HAPLN1: variants seen among roughly 807,000 people sequenced by gnomAD.
HAPLN1 encodes the protein hyaluronan and proteoglycan link protein 1.
HAPLN1 carries 13 observed loss-of-function variants against 36.5 expected under a neutral mutation model. The observed-to-expected ratio is 0.36, with a 90% CI of 0.23 to 0.57. HAPLN1 has a LOEUF of 0.57. Ranked by LOEUF, HAPLN1 falls within the 20% of genes least tolerant of loss-of-function variation. The pLI is 0.83. For missense variants in HAPLN1, 407 were observed against 439.7 expected, an observed-to-expected ratio of 0.93 and a Z score of 0.66; for synonymous variants, 202 against 169.8, an observed-to-expected ratio of 1.19 and a Z score of -1.48.
At chr5:83,681,110 A>G (rs1750988272) in intron 1 of HAPLN1, among the ~76,000 whole-genome samples, 1 of 152,218 alleles carries the variant, frequency 6.6e-6, no homozygotes, top group Non-Finnish European at 1.5e-5. Context: ...AAAGCATTGT[A>G]TTAAATAATA....
At chr5:83,657,129 C>G (rs903934907) in intron 2 of HAPLN1, among the ~76,000 whole-genome samples, 4 of 149,104 alleles carry the variant, frequency 2.7e-5, no homozygotes, top group Non-Finnish European at 5.9e-5. Context: ...GAGTTTCACT[C>G]TTGTTGCCCA....
At position 83,638,881 on chromosome 5, in the gene HAPLN1, G is replaced by A. The variant is rs554443009; in HGVS notation, c.*2615C>T. The A allele has an allele frequency of 5.3e-5, 8 of 152,072 alleles. No individual in the cohort carries two copies. In the East Asian group the frequency reaches 9.6e-4, roughly 18 times the overall value. 9.4% of individuals were successfully genotyped at this position (152,072 alleles called of 1,614,324 possible). ...CTTTTTGTTTGGGTTTTCCAATGTA[G>A]ATGTCTCAGTGAAATGTGCAGATAT... On this transcript the variant is annotated 3_prime_UTR_variant, in exon 5 of 5. Coordinates refer to ENST00000274341, the MANE Select transcript of HAPLN1 (RefSeq NM_001884.4).
chr5:83,667,237 G>A (rs1344499411), intron 2 of HAPLN1, among the ~76,000 whole-genome samples: 1 of 151,968 alleles, frequency 6.6e-6, no homozygotes, highest in Non-Finnish European at 1.5e-5. Context: ...TTACTTTTGA[G>A]CTCATTTATT....
At chr5:83,713,208 T>C (rs1751835035) in intron 1 of HAPLN1, among the ~76,000 whole-genome samples, 1 of 152,182 alleles carries the variant, frequency 6.6e-6, no homozygotes, top group Admixed American at 6.5e-5. Flanking sequence ...CTAGACATTT[T>C]GGGGTCTTAC....
chr5:83,719,960 T>A (rs1039560566), intron 1 of HAPLN1, among the ~76,000 whole-genome samples: 2 of 152,208 alleles, frequency 1.3e-5, no homozygotes, highest in Non-Finnish European at 1.5e-5. Context: ...GGCCACTGTG[T>A]GTATTTTTCC....
chr5:83,652,298 T>G, intron 3 of HAPLN1, 155 bp downstream of exon 3: 1 of 696,782 alleles, frequency 1.4e-6, no homozygotes. Context: ...GCTGGAATCA[T>G]AGGCAGACTG....
Position 83,709,816 on chromosome 5 carries a change from G to A in HAPLN1, c.-27+10973C>T, listed in dbSNP as rs181723189. 8.5e-5 allele frequency among the ~76,000 whole-genome samples: 13 copies of A among 152,308 alleles called. No homozygotes were observed. In the East Asian group the frequency reaches 2.1e-3, roughly 25 times the overall value. ...AGCTTCAGTGTGAGGGAATAAATTAGAAAGTAACAAGATGGGAGACATAGA... is the reference window on the plus strand; with the variant it reads ...AGCTTCAGTGTGAGGGAATAAATTAAAAAGTAACAAGATGGGAGACATAGA... On this transcript the variant is annotated intron_variant, in intron 1 of 4. Transcript: ENST00000274341.
intron 2 of HAPLN1, among the ~76,000 whole-genome samples, chr5:83,663,760 C>G (rs1287569919): frequency 2.0e-5 from 3 of 151,170 alleles, no homozygotes; most frequent in Admixed American, 1.3e-4. Context: ...TTAATTCCTA[C>G]ATCCAATCTA....
intron 3 of HAPLN1, 192 bp downstream of exon 3, chr5:83,652,261 C>T (rs1394876643): frequency 1.1e-5 from 6 of 523,208 alleles, no homozygotes; most frequent in Non-Finnish European, 2.0e-5. Flanking sequence ...TGCACATAAG[C>T]ATTGTGTATG....
intron 1 of HAPLN1, among the ~76,000 whole-genome samples, chr5:83,678,636 T>C (rs371439873): frequency 3.9e-5 from 6 of 152,218 alleles, no homozygotes; most frequent in African/African-American, 1.4e-4. Flanking sequence ...CTGAAGCCAA[T>C]ACGACTGCCC....
intron 1 of HAPLN1, among the ~76,000 whole-genome samples, chr5:83,678,433 T>C (rs1265068397): frequency 6.6e-6 from 1 of 152,164 alleles, no homozygotes; most frequent in African/African-American, 2.4e-5. Flanking sequence ...CCACAAATGG[T>C]TAACAATTTA....
chr5:83,692,113 G>A (rs1314385803), intron 1 of HAPLN1, among the ~76,000 whole-genome samples: 2 of 151,678 alleles, frequency 1.3e-5, no homozygotes, highest in Non-Finnish European at 3.0e-5. Context: ...AAAAATGACT[G>A]AAAACTAAAA....
chr5:83,712,702 T>C (rs758970681), intron 1 of HAPLN1, among the ~76,000 whole-genome samples: 2 of 152,132 alleles, frequency 1.3e-5, no homozygotes, highest in Non-Finnish European at 2.9e-5. Flanking sequence ...GATAGGGTTG[T>C]CAGGTTTAGT....
chr5:83,659,486 G>T (rs1221847071), intron 2 of HAPLN1, among the ~76,000 whole-genome samples: 2 of 152,130 alleles, frequency 1.3e-5, no homozygotes, highest in African/African-American at 4.8e-5. Context: ...GTGGGGAAAA[G>T]TGTGTAGAGG....
intron 1 of HAPLN1, among the ~76,000 whole-genome samples, chr5:83,704,707 A>G (rs1751588035): frequency 6.6e-6 from 1 of 152,216 alleles, no homozygotes; most frequent in African/African-American, 2.4e-5. Flanking sequence ...AGATCTGACT[A>G]TCCTAAATTT....
chr5:83,662,225 TTA>T, intron 2 of HAPLN1, among the ~76,000 whole-genome samples: 1 of 152,184 alleles, frequency 6.6e-6, no homozygotes, highest in Non-Finnish European at 1.5e-5. Context: ...TTATATCATC[TTA>T]TGGTGAGTGC....
At chr5:83,663,280 T>C (rs544517392) in intron 2 of HAPLN1, among the ~76,000 whole-genome samples, 3 of 152,360 alleles carry the variant, frequency 2.0e-5, no homozygotes, top group South Asian at 2.1e-4. Context: ...AAATCTCTTA[T>C]GTCCAAATGC....
chr5:83,644,562 G>C lies in HAPLN1; in HGVS notation c.576C>G (p.Asp192Glu), dbSNP rs767345569. The change falls in exon 4 of 5, where the codon GAC (aspartate) becomes GAG (glutamate). Residue 192 changes from aspartate (D) to glutamate (E), a missense_variant. By Grantham distance (45) the Asp-to-Glu change is conservative (BLOSUM62 2). Transcript: ENST00000274341. ...CGCCCCGCCAGGCGTCGTACAGCTG[G>C]TCGAAGGAGGCGATCACAGCATCCT... Reference protein sequence around the residue: ...LDQDAVIASFDQLYDAWRGGL... With the variant: ...LDQDAVIASFEQLYDAWRGGL... The C allele has an allele frequency of 1.3e-6, 2 of 1,598,854 alleles. No homozygotes were observed. Among genetic ancestry groups the C allele is most frequent in the South Asian group, 2.3e-5 (2 of 88,632 alleles).
intron 1 of HAPLN1, among the ~76,000 whole-genome samples, chr5:83,705,193 C>T (rs1751610865): frequency 6.6e-6 from 1 of 151,912 alleles, no homozygotes; most frequent in African/African-American, 2.4e-5. Context: ...AGTTTAAGAC[C>T]AGCCTGGCCA....
Sources: gnomAD v4.1 joint callset for allele counts (sites outside exome capture counted in the v4.1 genomes callset) on GRCh38, gnomAD v4.1.1 for gene constraint, MANE v1.5 for transcripts, NCBI Gene and HGNC (gene_info 2026-07-23, HGNC 2026-07-21) for gene names.